The following NUP160 variants were observed in gnomAD, a reference collection of about 807,000 sequenced individuals.
NUP160 encodes the protein nucleoporin 160.
Under a neutral mutation model 196.9 loss-of-function variants are expected in NUP160, and 94 were observed. The ratio of observed to expected loss-of-function variants is 0.48; its 90% confidence interval spans 0.40 to 0.57. The LOEUF (loss-of-function observed/expected upper bound fraction) is 0.57, where lower values mean the gene tolerates loss of function less well. NUP160 is among the 20% of genes least tolerant of loss of function. The pLI is 0.00. For missense variants in NUP160, 1,638 were observed against 1,748.3 expected, an observed-to-expected ratio of 0.94 and a Z score of 1.13; for synonymous variants, 605 against 619.7, an observed-to-expected ratio of 0.98 and a Z score of 0.35.
chr11:47,832,994 G>C (rs1249812123), intron 7 of NUP160, among the ~76,000 whole-genome samples: 3 of 149,256 alleles, frequency 2.0e-5, no homozygotes, highest in East Asian at 4.0e-4. Flanking sequence ...AAGAAATGGG[G>C]GAAGGGAAGA....
rs1220659995 is a variant in NUP160, at chr11:47,785,082, G to C, written c.3849-19C>G. 2 of 1,307,332 alleles carry C rather than the reference G, an allele frequency of 1.5e-6. No homozygotes were observed. The highest frequency in any genetic ancestry group is 2.0e-6 in the Non-Finnish European group (2 of 976,778). The allele number at this position is 1,307,332 out of a possible 1,614,324, so 81.0% of individuals were successfully genotyped here. A position where few individuals can be genotyped will look rare whatever the true frequency, so the allele number is the denominator to read the frequency against. ...TGTAGCACTTGAAAAAAACAAAAAT[G>C]ACTAATGAGTTTCAGATTCTTAATA... On this transcript the variant is annotated intron_variant, in intron 32 of 35. Coordinates refer to ENST00000378460, the Ensembl canonical transcript of NUP160.
At chr11:47,790,543 G>A (rs1034929310) in intron 29 of NUP160, among the ~76,000 whole-genome samples, 5 of 152,150 alleles carry the variant, frequency 3.3e-5, no homozygotes, top group Non-Finnish European at 5.9e-5. Flanking sequence ...TTACAGGCAT[G>A]AGCCACCGCA....
At chr11:47,792,701 C>T in intron 28 of NUP160, 85 bp downstream of exon 28, 1 of 1,232,580 alleles carries the variant, frequency 8.1e-7, no homozygotes, top group Non-Finnish European at 1.1e-6. Flanking sequence ...AGCAAAATGA[C>T]ACAATAGTTT....
intron 9 of NUP160, among the ~76,000 whole-genome samples, chr11:47,819,812 A>G (rs1191899434): frequency 6.6e-6 from 1 of 152,194 alleles, no homozygotes; most frequent in Non-Finnish European, 1.5e-5. Context: ...ATTATGCTAG[A>G]TGCAGTTTTA....
At chr11:47,837,128 G>C in intron 5 of NUP160, 127 bp from the exon 6 acceptor site, 1 of 555,248 alleles carries the variant, frequency 1.8e-6, no homozygotes, top group Non-Finnish European at 3.2e-6. Context: ...GAGCTTATAT[G>C]CTGGTATAAG....
chr11:47,822,371 C>T (rs1851878059), intron 7 of NUP160, among the ~76,000 whole-genome samples: 1 of 151,982 alleles, frequency 6.6e-6, no homozygotes, highest in South Asian at 2.1e-4. Flanking sequence ...TATTCTCCTG[C>T]CTCAGCCTCC....
Position 47,779,506 on chromosome 11 carries a change from C to G in NUP160, c.4222-312G>C, listed in dbSNP as rs117270818. On this transcript the variant is annotated intron_variant, in intron 35 of 35. Transcript: ENST00000378460. ...ACCAGAAATGCTGCATCTGATATAA[C>G]TAGTTATTAGCTGCCAAGTGAAATA... 855 of 510,128 alleles carry G rather than the reference C, an allele frequency of 1.7e-3. 19 individuals are homozygous for G. In the East Asian group the frequency reaches 0.037, roughly 22 times the overall value. The allele number at this position is 510,128 out of a possible 1,614,324, so 31.6% of individuals were successfully genotyped here.
intron 20 of NUP160, among the ~76,000 whole-genome samples, chr11:47,805,150 GAC>G (rs959329536): frequency 4.2e-4 from 63 of 149,972 alleles, no homozygotes; most frequent in African/African-American, 1.4e-3. Flanking sequence ...TTTTTTTTGA[GAC>G]AGAGTCTCAC....
chr11:47,803,691 GCCTT>G (rs2097675756), intron 21 of NUP160, among the ~76,000 whole-genome samples, 155 bp from the exon 22 acceptor site: 1 of 152,050 alleles, frequency 6.6e-6, no homozygotes, highest in Non-Finnish European at 1.5e-5. Context: ...TACCCCTGTT[GCCTT>G]CCTTCTTCAT....
rs1298426458 is a variant in NUP160 at position 47,807,306 on chromosome 11, C to T, written c.2376-166G>A. Reference sequence around the variant, plus strand: ...AAATCATTATAATATAGATTGTTGCCCATAATATCACTTCGTGACCCTTCA... The same window carrying T: ...AAATCATTATAATATAGATTGTTGCTCATAATATCACTTCGTGACCCTTCA... On this transcript the variant is annotated intron_variant, in intron 18 of 35. Coordinates refer to ENST00000378460, the Ensembl canonical transcript of NUP160. Among the ~76,000 whole-genome samples, 3 of 152,008 alleles carry T rather than the reference C, an allele frequency of 2.0e-5. No individual in the cohort carries two copies. In the East Asian group the frequency reaches 5.8e-4, roughly 29 times the overall value.
At chr11:47,797,584 T>G (rs1227514676) in intron 27 of NUP160, among the ~76,000 whole-genome samples, 195 bp downstream of exon 27, 1 of 152,090 alleles carries the variant, frequency 6.6e-6, no homozygotes, top group African/African-American at 2.4e-5. Context: ...AGAATGCCAT[T>G]TTAGTGGCAA....
chr11:47,841,413 C>A, intron 2 of NUP160: 1 of 463,442 alleles, frequency 2.2e-6, no homozygotes, highest in South Asian at 2.4e-5. Flanking sequence ...GCTCAGAATT[C>A]ATCTCCACTT....
At chr11:47,807,901 T>C (rs2097678698) in intron 18 of NUP160, among the ~76,000 whole-genome samples, 1 of 152,250 alleles carries the variant, frequency 6.6e-6, no homozygotes, top group African/African-American at 2.4e-5. Flanking sequence ...ATTTTCATTC[T>C]TATAAGTTGC....
At chr11:47,792,982 C>T (rs1565189424) in intron 27 of NUP160, 36 bp from the exon 28 acceptor site, 1 of 1,576,564 alleles carries the variant, frequency 6.3e-7, no homozygotes, top group Non-Finnish European at 8.6e-7. Context: ...TTAGAACTTC[C>T]AAATTTTTTT....
intron 35 of NUP160, among the ~76,000 whole-genome samples, chr11:47,779,862 G>A (rs1475716478): frequency 6.6e-6 from 1 of 152,058 alleles, no homozygotes; most frequent in Non-Finnish European, 1.5e-5. Flanking sequence ...CGAGTAGCTG[G>A]GATTACAGGT....
exon 3 of NUP160, chr11:47,840,426 T>C (rs1003989783): frequency 1.2e-6 from 2 of 1,614,060 alleles, no homozygotes; most frequent in African/African-American, 2.7e-5. Context: ...TGTGCACTGT[T>C]TGATTGGTTA....
chr11:47,831,424 C>T (rs1415194292), intron 7 of NUP160, among the ~76,000 whole-genome samples: 1 of 152,048 alleles, frequency 6.6e-6, no homozygotes, highest in Non-Finnish European at 1.5e-5. Context: ...CAATGTCCAA[C>T]ACAAATGAAA....
intron 27 of NUP160, among the ~76,000 whole-genome samples, chr11:47,793,960 C>T (rs1301442289): frequency 6.6e-6 from 1 of 151,718 alleles, no homozygotes; most frequent in African/African-American, 2.4e-5. Flanking sequence ...CAAGGATGAA[C>T]CTTGAAGACA....
intron 2 of NUP160, chr11:47,841,610 A>G (rs1852299019): frequency 2.3e-6 from 1 of 431,552 alleles, no homozygotes; most frequent in Admixed American, 2.7e-5. Flanking sequence ...GTTACAAGGA[A>G]GGCCATGTGA....
Sources: gnomAD v4.1 joint callset for allele counts (sites outside exome capture counted in the v4.1 genomes callset) on GRCh38, gnomAD v4.1.1 for gene constraint, MANE v1.5 for transcripts, NCBI Gene and HGNC (gene_info 2026-07-23, HGNC 2026-07-21) for gene names.